Variants in SCRN1 observed in about 807,000 individuals in gnomAD.
SCRN1 encodes secernin-1.
SCRN1 carries 19 observed loss-of-function variants against 43.3 expected under a neutral mutation model. The ratio of observed to expected loss-of-function variants is 0.44; its 90% CI spans 0.31 to 0.64. The LOEUF is 0.64. SCRN1 is among the 30% of genes least tolerant of loss of function. The pLI, the probability that SCRN1 is intolerant of heterozygous loss-of-function variation, is 0.09. For missense variants in SCRN1, 447 were observed against 524.1 expected (o/e 0.85, Z 1.44); for synonymous variants, 183 against 188.9 (o/e 0.97, Z 0.26).
chr7:29,949,639 A>G (rs763792715), intron 3 of SCRN1, among the ~76,000 whole-genome samples: 1 of 143,034 alleles, frequency 7.0e-6, no homozygotes, highest in South Asian at 2.2e-4. Context: ...GGCCTCCCAG[A>G]GTGCTAAGAT....
In SCRN1 at chr7:29,921,834, T is replaced by A. The variant is rs918598414; in HGVS notation, c.*2123A>T. 4 of 152,244 alleles carry A rather than the reference T, an allele frequency of 2.6e-5. No individual in the cohort carries two copies. The highest frequency in any genetic ancestry group is 4.4e-5 in the Non-Finnish European group (3 of 68,050). The allele number at this position is 152,244 out of a possible 1,614,324, so 9.4% of individuals were successfully genotyped here. ...TGAAAGGAGGCTTCTGTGTAATTAATTCTTACTAGACTTCTTTTGATCAAA... is the reference window on the plus strand; with the variant it reads ...TGAAAGGAGGCTTCTGTGTAATTAAATCTTACTAGACTTCTTTTGATCAAA... On this transcript the variant is annotated 3_prime_UTR_variant, in exon 8 of 8. Coordinates refer to ENST00000242059, the MANE Select transcript of SCRN1 (RefSeq NM_014766.5).
chr7:29,923,877 A>C lies in SCRN1; in HGVS notation c.*80T>G. On this transcript the variant is annotated 3_prime_UTR_variant, in exon 8 of 8. Transcript: ENST00000242059. ...ACATATTAACTTTCTCATTTTACTC[A>C]AACAGGAGAGTGGTTTGTTTTGCTG... 1.4e-6 allele frequency: 2 copies of C among 1,451,036 alleles called. No homozygotes were observed. Among genetic ancestry groups the C allele is most frequent in the Non-Finnish European group, 1.9e-6 (2 of 1,071,216 alleles). The allele number at this position is 1,451,036 out of a possible 1,614,324, so 89.9% of individuals were successfully genotyped here.
chr7:29,925,446 C>T (rs1352828273), intron 7 of SCRN1, among the ~76,000 whole-genome samples: 1 of 152,204 alleles, frequency 6.6e-6, no homozygotes, highest in South Asian at 2.1e-4. Context: ...GCCCTTCAGG[C>T]CAGTTTGGAC....
At chr7:29,940,459 G>A (rs1787500167) in intron 5 of SCRN1, among the ~76,000 whole-genome samples, 1 of 152,160 alleles carries the variant, frequency 6.6e-6, no homozygotes, top group South Asian at 2.1e-4. Context: ...AATAACATGG[G>A]TAGGAGCAGG....
At chr7:29,956,645 G>A (rs889965278) in intron 2 of SCRN1, among the ~76,000 whole-genome samples, 1 of 152,190 alleles carries the variant, frequency 6.6e-6, no homozygotes, top group Non-Finnish European at 1.5e-5. Context: ...CACTGGTCAG[G>A]TGACTTTGGG....
At chr7:29,977,923 GAGA>G (rs1222638369) in intron 1 of SCRN1, among the ~76,000 whole-genome samples, 2 of 152,228 alleles carry the variant, frequency 1.3e-5, no homozygotes, top group African/African-American at 4.8e-5. Context: ...GTGAGAACAA[GAGA>G]AGGATACGTG....
intron 2 of SCRN1, among the ~76,000 whole-genome samples, chr7:29,966,204 A>AGAGAGAGAGAGAGAGAGAGAGAGAGAGAG (rs1554360370): frequency 7.6e-5 from 11 of 145,686 alleles, no homozygotes; most frequent in East Asian, 2.0e-4. Context: ...AGAGAGAGAG[A>AGAGAGAGAGAGAGAGAGAGAGAGAGAGAG]AGCTGTATCC....
intron 1 of SCRN1, among the ~76,000 whole-genome samples, chr7:29,984,088 C>A (rs1162577968): frequency 6.6e-6 from 1 of 151,676 alleles, no homozygotes; most frequent in Non-Finnish European, 1.5e-5. Context: ...CACCTGTGAG[C>A]CAAGCTACTC....
chr7:29,941,012 G>A, intron 4 of SCRN1, 136 bp from the exon 5 acceptor site: 1 of 717,686 alleles, frequency 1.4e-6, no homozygotes. Context: ...TTTTTGAAGA[G>A]AGAAACAGAC....
intron 2 of SCRN1, among the ~76,000 whole-genome samples, chr7:29,959,766 A>C (rs1788246157): frequency 6.6e-6 from 1 of 152,102 alleles, no homozygotes; most frequent in East Asian, 1.9e-4. Context: ...GGGGAGGAAC[A>C]ATGCAAAGGT....
intron 2 of SCRN1, among the ~76,000 whole-genome samples, chr7:29,957,798 C>A (rs1056822649): frequency 3.3e-5 from 5 of 152,086 alleles, no homozygotes; most frequent in African/African-American, 7.2e-5. Context: ...CCAGACAGAG[C>A]TAAGGGCTTA....
At chr7:29,955,503 T>C in intron 2 of SCRN1, 143 bp from the exon 3 acceptor site, 1 of 739,054 alleles carries the variant, frequency 1.4e-6, no homozygotes, top group African/African-American at 1.8e-5. Flanking sequence ...GATTTTTAAG[T>C]CTTCACAATG....
At chr7:29,928,265 T>G (rs1787036994) in intron 6 of SCRN1, among the ~76,000 whole-genome samples, 1 of 152,196 alleles carries the variant, frequency 6.6e-6, no homozygotes, top group South Asian at 2.1e-4. Context: ...GGCCCCACCC[T>G]GTCCTGCTGA....
chr7:29,970,911 G>A (rs965738834), intron 1 of SCRN1, among the ~76,000 whole-genome samples: 11 of 152,132 alleles, frequency 7.2e-5, no homozygotes, highest in African/African-American at 2.2e-4. Flanking sequence ...ATAAAATAAT[G>A]TACATATGTT....
At position 29,950,640 on chromosome 7, in the gene SCRN1, C is replaced by T. The variant is rs867404418; in HGVS notation, c.341+4539G>A. On this transcript the variant is annotated intron_variant, in intron 3 of 7. Transcript: ENST00000242059. The surrounding 1 kb of genome is among the most constrained non-coding windows in gnomAD (Gnocchi z 4.5). ...AGCACACACTTCCTCCCTTCTGAGC[C>T]CATAAAAACCCCAGACTCAGTCAGA... 6.6e-6 allele frequency among the ~76,000 whole-genome samples: 1 copy of T among 152,166 alleles called. No individual in the cohort carries two copies. Among genetic ancestry groups the T allele is most frequent in the Non-Finnish European group, 1.5e-5 (1 of 68,028 alleles).
chr7:29,982,145 G>A (rs1789009341), intron 1 of SCRN1, among the ~76,000 whole-genome samples: 1 of 152,126 alleles, frequency 6.6e-6, no homozygotes, highest in East Asian at 1.9e-4. Flanking sequence ...TGTTTCCAGT[G>A]TTCCTCTGGG....
At chr7:29,924,246 A>G in intron 7 of SCRN1, 131 bp from the exon 8 acceptor site, 1 of 814,640 alleles carries the variant, frequency 1.2e-6, no homozygotes, top group Non-Finnish European at 1.9e-6. Context: ...CGTTTCACAC[A>G]CGACTGCCGC....
chr7:29,978,354 A>G (rs1788894080), intron 1 of SCRN1, among the ~76,000 whole-genome samples: 1 of 152,208 alleles, frequency 6.6e-6, no homozygotes, highest in African/African-American at 2.4e-5. Context: ...TTCCCGCATG[A>G]TGGCAAGACT....
At chr7:29,983,873 A>T (rs1789067936) in intron 1 of SCRN1, among the ~76,000 whole-genome samples, 1 of 152,212 alleles carries the variant, frequency 6.6e-6, no homozygotes, top group South Asian at 2.1e-4. Context: ...TGTTGCCAGA[A>T]TAACTGACTA....
Sources: gnomAD v4.1 joint callset for allele counts (sites outside exome capture counted in the v4.1 genomes callset) on GRCh38, gnomAD v4.1.1 for gene constraint, Gnocchi (gnomAD v3.1) non-coding constraint, MANE v1.5 for transcripts, NCBI Gene and HGNC (gene_info 2026-07-23, HGNC 2026-07-21) for gene names.